The following QTGAL variants were observed in gnomAD, a reference collection of about 807,000 sequenced individuals.
The protein encoded by QTGAL is BGnT-like protein 1.
At chr17:82,997,930 A>AATATATATAT in the QTGAL span, among the ~76,000 whole-genome samples, 2 of 131,650 alleles carry the variant, frequency 1.5e-5, no homozygotes, top group Non-Finnish European at 1.6e-5. Flanking sequence ...TAAAAAAAAA[A>AATATATATAT]ATATATATAT....
At chr17:82,945,759 A>T in the QTGAL span, 1 of 152,196 alleles carries the variant, frequency 6.6e-6, no homozygotes, top group East Asian at 1.9e-4. Context: ...AGAAAAAAAA[A>T]TGTCTCCAGA....
chr17:82,983,529 A>T, the QTGAL span, among the ~76,000 whole-genome samples: 1 of 152,134 alleles, frequency 6.6e-6, no homozygotes, highest in Non-Finnish European at 1.5e-5. Context: ...GAACCATGAG[A>T]TCAGAAACTA....
the QTGAL span, among the ~76,000 whole-genome samples, chr17:82,983,038 C>T: frequency 5.9e-5 from 9 of 152,238 alleles, no homozygotes; most frequent in African/African-American, 1.2e-4. Context: ...CCCAGCACTT[C>T]GGGAGGCCGA....
the QTGAL span, among the ~76,000 whole-genome samples, chr17:83,040,192 A>G: frequency 1.3e-5 from 2 of 152,206 alleles, no homozygotes; most frequent in East Asian, 3.8e-4. Context: ...AGAATATCTT[A>G]GGGTGAGACT....
the QTGAL span, among the ~76,000 whole-genome samples, chr17:83,046,233 G>A: frequency 1.3e-5 from 2 of 152,156 alleles, no homozygotes; most frequent in African/African-American, 2.4e-5. Flanking sequence ...GGGTTCAAGC[G>A]ATTCTCCTGC....
At chr17:82,964,034 G>GGT in the QTGAL span, among the ~76,000 whole-genome samples, 14 of 139,468 alleles carry the variant, frequency 1.0e-4, 1 homozygote, top group Non-Finnish European at 1.6e-4. Context: ...AGGTCGGGGG[G>GGT]GTGGATTGCT....
chr17:82,993,697 C>A, the QTGAL span, among the ~76,000 whole-genome samples: 1 of 151,608 alleles, frequency 6.6e-6, no homozygotes. Flanking sequence ...TTTTCCGCAG[C>A]ACATGGATCA....
chr17:82,977,755 A>G, the QTGAL span, among the ~76,000 whole-genome samples: 1 of 152,016 alleles, frequency 6.6e-6, no homozygotes. Flanking sequence ...CCGAGAGGAG[A>G]AGCCGGCTGA....
chr17:82,946,494 G>T, the QTGAL span, among the ~76,000 whole-genome samples: 1 of 151,302 alleles, frequency 6.6e-6, no homozygotes, highest in Admixed American at 6.6e-5. Context: ...TTATTGAATT[G>T]GTACATTTCA....
the QTGAL span, among the ~76,000 whole-genome samples, chr17:82,951,808 T>TG: frequency 5.4e-4 from 27 of 50,070 alleles, no homozygotes; most frequent in African/African-American, 1.5e-3. Context: ...AGGGGTGGGG[T>TG]GGGGGGGAGC....
the QTGAL span, among the ~76,000 whole-genome samples, chr17:82,952,241 A>C: frequency 6.6e-6 from 1 of 152,086 alleles, no homozygotes; most frequent in African/African-American, 2.4e-5. Context: ...GCGGGGCAGG[A>C]ACCGTGACCC....
the QTGAL span, among the ~76,000 whole-genome samples, chr17:83,031,562 C>T: frequency 6.6e-6 from 1 of 152,230 alleles, no homozygotes; most frequent in South Asian, 2.1e-4. Context: ...CCCTTAGGAA[C>T]CTGGCCATGG....
At chr17:83,027,885 G>GA in the QTGAL span, among the ~76,000 whole-genome samples, 1 of 151,938 alleles carries the variant, frequency 6.6e-6, no homozygotes, top group Admixed American at 6.5e-5. Flanking sequence ...AGGTCGAGGC[G>GA]AGCAGACCAC....
the QTGAL span, among the ~76,000 whole-genome samples, chr17:83,002,971 G>A: frequency 3.3e-5 from 1 of 30,744 alleles, no homozygotes; most frequent in African/African-American, 1.3e-4. Flanking sequence ...CGCAGTCCGC[G>A]TGTGGGATTC....
At chr17:82,989,422 G>GCAGCAAAC in the QTGAL span, among the ~76,000 whole-genome samples, 1 of 150,748 alleles carries the variant, frequency 6.6e-6, no homozygotes, top group African/African-American at 2.4e-5. Context: ...GTTGATGGGT[G>GCAGCAAAC]CAGCAAACCA....
the QTGAL span, among the ~76,000 whole-genome samples, chr17:82,992,601 T>C: frequency 6.6e-6 from 1 of 152,172 alleles, no homozygotes; most frequent in Non-Finnish European, 1.5e-5. Flanking sequence ...GGGATATTAA[T>C]GAGCAAAAAG....
At chr17:82,946,974 C>A in the QTGAL span, 2 of 1,560,220 alleles carry the variant, frequency 1.3e-6, no homozygotes, top group Non-Finnish European at 1.7e-6. Context: ...AAGGCGCCCC[C>A]TGTGAGGTCC....
At chr17:83,006,725 C>T in the QTGAL span, 80 of 985,464 alleles carry the variant, frequency 8.1e-5, no homozygotes, top group Middle Eastern at 1.0e-3. This position sits in a 1 kb window ranked among gnomAD's most constrained non-coding sequence, Gnocchi z 5.8. Flanking sequence ...CACTGCTCCT[C>T]GGCTCCCAGG....
chr17:82,960,782 C>T, the QTGAL span, among the ~76,000 whole-genome samples: 6 of 152,222 alleles, frequency 3.9e-5, no homozygotes, highest in Non-Finnish European at 7.3e-5. Flanking sequence ...CAGAAGGACC[C>T]GGCGCGTGGT....
Sources: gnomAD v4.1 joint callset for allele counts (sites outside exome capture counted in the v4.1 genomes callset) on GRCh38, gnomAD v4.1.1 for gene constraint, Gnocchi (gnomAD v3.1) non-coding constraint, MANE v1.5 for transcripts, NCBI Gene and HGNC (gene_info 2026-07-23, HGNC 2026-07-21) for gene names.